The following ARFGEF3 variants were observed in gnomAD, a reference collection of about 807,000 sequenced individuals.
The protein encoded by ARFGEF3 is ARFGEF family member 3, also known as brefeldin A-inhibited guanine nucleotide-exchange protein 3.
In ARFGEF3, 96 loss-of-function variants were observed where a neutral mutation model predicts 221.7. The ratio of observed to expected loss-of-function variants is 0.43; its 90% CI spans 0.37 to 0.51. The LOEUF is 0.51. Ranked by LOEUF, ARFGEF3 falls within the 20% of genes least tolerant of loss-of-function variation. ARFGEF3 has a pLI of 0.00. For synonymous variants in ARFGEF3, 1,145 were observed against 1,126.8 expected, an observed-to-expected ratio of 1.02 and a Z score of -0.32; for missense variants, 2,410 against 2,789.9, an observed-to-expected ratio of 0.86 and a Z score of 3.07.
intron 32 of ARFGEF3, among the ~76,000 whole-genome samples, chr6:138,332,129 G>C (rs1341355591): frequency 6.6e-6 from 1 of 152,128 alleles, no homozygotes; most frequent in Non-Finnish European, 1.5e-5. Flanking sequence ...AGTGTTGTGA[G>C]CGAAGGGTTT....
chr6:138,266,848 C>CAAAAAAAAAAAAAAA (rs55638606), intron 12 of ARFGEF3, among the ~76,000 whole-genome samples: 42 of 77,334 alleles, frequency 5.4e-4, no homozygotes, highest in South Asian at 8.1e-4. Context: ...GACTCCATCT[C>CAAAAAAAAAAAAAAA]AAAAAAAAAA....
chr6:138,315,716 G>A (rs370542185), intron 26 of ARFGEF3, among the ~76,000 whole-genome samples: 4 of 148,296 alleles, frequency 2.7e-5, no homozygotes, highest in Admixed American at 6.8e-5. Context: ...CAAGCGTGGT[G>A]GGGGGGCGCC....
chr6:138,298,830 G>A (rs1346439118), intron 22 of ARFGEF3, 45 bp downstream of exon 22: 2 of 1,480,470 alleles, frequency 1.4e-6, no homozygotes, highest in African/African-American at 1.4e-5. Context: ...CTCTTACTGA[G>A]TGCAGTGGCA....
chr6:138,324,013 T>C lies in ARFGEF3; in HGVS notation c.4870-10T>C. On this transcript the variant is annotated splice_polypyrimidine_tract_variant and intron_variant, in intron 30 of 33. Coordinates refer to ENST00000251691, the MANE Select transcript of ARFGEF3 (RefSeq NM_020340.5). ...GATGCATTCAGTGAGCATCTGCTGT[T>C]TCTCCCCAGGACCTGCTGGGCTGCT... 6.2e-7 allele frequency: 1 copy of C among 1,611,716 alleles called. No homozygotes were observed. The highest frequency in any genetic ancestry group is 1.1e-5 in the South Asian group (1 of 90,890).
intron 14 of ARFGEF3, among the ~76,000 whole-genome samples, chr6:138,282,341 T>C (rs974760703): frequency 1.3e-5 from 2 of 152,142 alleles, no homozygotes; most frequent in Admixed American, 1.3e-4. Context: ...CTCTGGAGTG[T>C]CTGTATCCTC....
chr6:138,262,586 C>T (rs1778814005), intron 11 of ARFGEF3, 115 bp from the exon 12 acceptor site: 2 of 1,058,294 alleles, frequency 1.9e-6, no homozygotes, highest in South Asian at 1.6e-5. Flanking sequence ...TTATTCAAAT[C>T]AGACTATCTG....
intron 2 of ARFGEF3, among the ~76,000 whole-genome samples, chr6:138,192,911 A>AT (rs371269570): frequency 5.3e-5 from 8 of 150,022 alleles, no homozygotes; most frequent in African/African-American, 9.8e-5. Context: ...GACTCCAAAC[A>AT]TTTTTTTTTT....
intron 4 of ARFGEF3, among the ~76,000 whole-genome samples, chr6:138,210,759 C>T (rs1354603737): frequency 6.6e-6 from 1 of 152,144 alleles, no homozygotes; most frequent in African/African-American, 2.4e-5. Flanking sequence ...TCCTTTTCCT[C>T]TCTCGGGGAA....
intron 14 of ARFGEF3, among the ~76,000 whole-genome samples, chr6:138,280,883 C>G (rs1214954860): frequency 2.0e-5 from 3 of 151,484 alleles, no homozygotes; most frequent in Non-Finnish European, 4.4e-5. Flanking sequence ...TCCGTTTATC[C>G]ATATCAGAGG....
intron 12 of ARFGEF3, among the ~76,000 whole-genome samples, chr6:138,265,002 C>T (rs1778862062): frequency 6.6e-6 from 1 of 151,084 alleles, no homozygotes; most frequent in African/African-American, 2.4e-5. Context: ...CTCCCGGGTT[C>T]ATGCCATTCT....
At chr6:138,284,597 T>C (rs1779254431) in intron 14 of ARFGEF3, among the ~76,000 whole-genome samples, 1 of 152,160 alleles carries the variant, frequency 6.6e-6, no homozygotes, top group Admixed American at 6.5e-5. Flanking sequence ...GCTAATTCTG[T>C]AGAAAAGAAT....
chr6:138,327,149 C>A (rs7743770), intron 31 of ARFGEF3, among the ~76,000 whole-genome samples: 1 of 152,086 alleles, frequency 6.6e-6, no homozygotes, highest in Non-Finnish European at 1.5e-5. Flanking sequence ...ACAGCTAATG[C>A]ATGCTAGGCT....
In ARFGEF3 at chr6:138,291,884, C is replaced by A; in HGVS notation, c.3199C>A (p.Pro1067Thr). 1 of 1,501,800 alleles carries A rather than the reference C, an allele frequency of 6.7e-7. No homozygotes were observed. The highest frequency in any genetic ancestry group is 8.9e-7 in the Non-Finnish European group (1 of 1,120,910). 93.0% of individuals were successfully genotyped at this position (1,501,800 alleles called of 1,614,324 possible). Residue 1067 changes from proline (P) to threonine (T), a missense_variant, in exon 19 of 34, where the codon CCG becomes ACG. Pro to Thr is a conservative substitution (Grantham distance 38). Transcript: ENST00000251691. The surrounding 1 kb of genome is among the most constrained non-coding windows in gnomAD (Gnocchi z 4.5). ...TGAGGGCTCGCCCCCCGAGCACAGC[C>A]CGGAGCAGGGGCGCTCCCTGAGCAC... ...ECEGSPPEHSPEQGRSLSTAP... is the reference protein window; with the variant it reads ...ECEGSPPEHSTEQGRSLSTAP...
chr6:138,313,723 A>T (rs1779870594), intron 25 of ARFGEF3, 72 bp from the exon 26 acceptor site: 1 of 1,267,294 alleles, frequency 7.9e-7, no homozygotes, highest in South Asian at 1.3e-5. Context: ...GTATAATTTC[A>T]TTATTCTTTA....
chr6:138,286,455 AAAAAAAAAAAAG>A lies in ARFGEF3; in HGVS notation c.2570-240_2570-229del, dbSNP rs1341041574. 1.2e-4 allele frequency among the ~76,000 whole-genome samples: 19 copies of A among 152,062 alleles called. No individual in the cohort carries two copies. In the South Asian group the frequency reaches 3.9e-3, roughly 32 times the overall value. ...ACAGAACGAGACTCCGTCTCAAAAA[AAAAAAAAAAAAG>A]AAAAAGAAAAAGTAATTGATGGAAG... On this transcript the variant is annotated intron_variant, in intron 15 of 33. Transcript: ENST00000251691.
chr6:138,232,625 G>A (rs1320014916), intron 5 of ARFGEF3, among the ~76,000 whole-genome samples: 2 of 152,086 alleles, frequency 1.3e-5, no homozygotes, highest in Non-Finnish European at 2.9e-5. Context: ...CTGTCTCAAA[G>A]GCCATTGTTT....
chr6:138,280,173 T>C lies in ARFGEF3; in HGVS notation c.2461+9T>C, dbSNP rs756475306. 39 of 1,613,106 alleles carry C rather than the reference T, an allele frequency of 2.4e-5. 1 individual carries two copies. The South Asian group carries it at 4.1e-4, about 17-fold the overall frequency. ...CATCACAATGCTGACCGGTCAGTGG[T>C]TCGTTGCAAGGCCTTGGGGCACGTG... On this transcript the variant is annotated intron_variant, in intron 14 of 33. Coordinates refer to ENST00000251691, the MANE Select transcript of ARFGEF3 (RefSeq NM_020340.5).
intron 22 of ARFGEF3, among the ~76,000 whole-genome samples, chr6:138,305,502 T>C (rs1346240813): frequency 6.6e-6 from 1 of 151,532 alleles, no homozygotes. Flanking sequence ...TCCCAGCTGC[T>C]TAGGAGGCTG....
chr6:138,320,371 A>G (rs1289995552), intron 28 of ARFGEF3, among the ~76,000 whole-genome samples: 11 of 152,298 alleles, frequency 7.2e-5, no homozygotes, highest in Admixed American at 5.9e-4. Context: ...CTTAATATTG[A>G]TGGCACTTTG....
Sources: allele counts gnomAD v4.1 joint callset (sites outside exome capture counted in the v4.1 genomes callset), GRCh38; gene constraint gnomAD v4.1.1; non-coding constraint Gnocchi (gnomAD v3.1); transcripts MANE v1.5; gene names NCBI Gene and HGNC (gene_info 2026-07-23, HGNC 2026-07-21).